NIPA1: variants seen among roughly 807,000 people sequenced by gnomAD.
NIPA1 encodes magnesium transporter NIPA1.
In NIPA1, 13 loss-of-function variants were observed where a neutral mutation model predicts 23.9. The observed-to-expected ratio is 0.54, with a 90% CI of 0.35 to 0.87. NIPA1 has a LOEUF of 0.87. NIPA1 is among the 40% of genes least tolerant of loss of function. The probability of loss-of-function intolerance (pLI) is 0.01; values close to 1 mark genes in which losing one functional copy is unlikely to be tolerated. For synonymous variants in NIPA1, 234 were observed against 202.9 expected (o/e 1.15, Z -1.30); for missense variants, 362 against 429.7 (o/e 0.84, Z 1.39).
chr15:22,814,103 C>G (rs1429052637), intron 3 of NIPA1: 1 of 1,279,638 alleles, frequency 7.8e-7, no homozygotes, highest in Admixed American at 2.3e-5. Context: ...CTGTAGGAAC[C>G]ATGTCAGATG....
At chr15:22,787,349 G>T (rs1433898950) in intron 1 of NIPA1, among the ~76,000 whole-genome samples, 1 of 152,204 alleles carries the variant, frequency 6.6e-6, no homozygotes, top group East Asian at 1.9e-4. Flanking sequence ...CCAGTCCCCC[G>T]CAGGGGCCTC....
In NIPA1 at chr15:22,786,848, C is replaced by T. The variant is rs1467648365; in HGVS notation, c.178+14C>T. ...CCAAGCGGCGAGGTAGGGCGGGCGGCAGGCGGCAGGCGGCGGGCGGGTGGG... is the reference window on the plus strand; with the variant it reads ...CCAAGCGGCGAGGTAGGGCGGGCGGTAGGCGGCAGGCGGCGGGCGGGTGGG... On this transcript the variant is annotated intron_variant, in intron 1 of 4. Coordinates refer to ENST00000337435, the MANE Select transcript of NIPA1 (RefSeq NM_144599.5). 1 of 909,686 alleles carries T rather than the reference C, an allele frequency of 1.1e-6. No homozygotes were observed. The highest frequency in any genetic ancestry group is 4.1e-4 in the Middle Eastern group (1 of 2,438). The allele number at this position is 909,686 out of a possible 1,614,324, so 56.4% of individuals were successfully genotyped here.
At chr15:22,794,904 G>A (rs956002201) in intron 1 of NIPA1, among the ~76,000 whole-genome samples, 16 of 152,084 alleles carry the variant, frequency 1.1e-4, no homozygotes, top group African/African-American at 3.9e-4. Context: ...CCCTGACCCT[G>A]AGGGATGATG....
intron 3 of NIPA1, among the ~76,000 whole-genome samples, chr15:22,816,486 C>CTT (rs71117480): frequency 0.19 from 7,591 of 40,908 alleles, 1,753 homozygotes; most frequent in East Asian, 0.47. Context: ...CGCACCCAGC[C>CTT]TTTTTTTTTT....
intron 3 of NIPA1, chr15:22,813,969 A>G (rs1180406318): frequency 1.3e-5 from 6 of 469,286 alleles, no homozygotes. Context: ...CACGTGGCAC[A>G]TTGAATGCAC....
rs962001494 is a variant in NIPA1 at position 22,827,101 on chromosome 15, A to G, written c.*2862A>G. On this transcript the variant is annotated 3_prime_UTR_variant, in exon 5 of 5. Transcript: ENST00000337435. ...CTTGAAATATTTTCATTATCATACT[A>G]TTCTTTGAAAAAAAAGATGCTTACT... 2 of 152,036 alleles carry G rather than the reference A, an allele frequency of 1.3e-5. No homozygotes were observed. Among genetic ancestry groups the G allele is most frequent in the Non-Finnish European group, 2.9e-5 (2 of 67,980 alleles). 9.4% of individuals were successfully genotyped at this position (152,036 alleles called of 1,614,324 possible). A position where few individuals can be genotyped will look rare whatever the true frequency, so the allele number is the denominator to read the frequency against.
intron 4 of NIPA1, among the ~76,000 whole-genome samples, chr15:22,823,507 C>T (rs577739160): frequency 1.3e-5 from 2 of 152,322 alleles, no homozygotes; most frequent in Admixed American, 6.5e-5. Context: ...GCTAACCCGG[C>T]TGTAAATGTT....
Position 22,788,919 on chromosome 15 carries a change from TAAAAAAA to T in NIPA1, c.178+2097_178+2103del, listed in dbSNP as rs199860403. Among the ~76,000 whole-genome samples the T allele has an allele frequency of 6.3e-5, 5 of 78,794 alleles. 1 individual carries two copies. The highest frequency in any genetic ancestry group is 2.6e-4 in the African/African-American group (5 of 19,550). 51.7% of individuals were successfully genotyped at this position (78,794 alleles called of 152,430 possible). A position where few individuals can be genotyped will look rare whatever the true frequency, so the allele number is the denominator to read the frequency against. Reference sequence around the variant, plus strand: ...GAGCGAGAAGAACAAGGCTCTGTCTTAAAAAAAAAAAAAAAAAAGATAAATGCTGTTT... The same window carrying T: ...GAGCGAGAAGAACAAGGCTCTGTCTTAAAAAAAAAAAGATAAATGCTGTTT... On this transcript the variant is annotated intron_variant, in intron 1 of 4. Coordinates refer to ENST00000337435, the MANE Select transcript of NIPA1 (RefSeq NM_144599.5).
At chr15:22,793,054 CTG>C (rs970429834) in intron 1 of NIPA1, among the ~76,000 whole-genome samples, 17 of 151,654 alleles carry the variant, frequency 1.1e-4, no homozygotes, top group African/African-American at 3.9e-4. Flanking sequence ...GAGTGAGACT[CTG>C]TCTCAAAAAT....
intron 1 of NIPA1, among the ~76,000 whole-genome samples, chr15:22,788,297 C>A (rs1367013700): frequency 2.0e-5 from 3 of 148,144 alleles, no homozygotes; most frequent in African/African-American, 7.9e-5. Context: ...GTCAGGAGAT[C>A]TAGACCATCC....
At position 22,789,117 on chromosome 15, in the gene NIPA1, C is replaced by T. The variant is rs145782083; in HGVS notation, c.178+2283C>T. Among the ~76,000 whole-genome samples, 93 of 151,560 alleles carry T rather than the reference C, an allele frequency of 6.1e-4. 1 individual carries two copies. Among genetic ancestry groups the T allele is most frequent in the African/African-American group, 2.0e-3 (81 of 41,350 alleles). ...AAGCGATTCGCCTGCCACAGCCTCC[C>T]GAGCTGGGATTACAGGCGCGTGCCA... is the stretch of plus-strand genomic sequence containing the variant. On this transcript the variant is annotated intron_variant, in intron 1 of 4. Coordinates refer to ENST00000337435, the MANE Select transcript of NIPA1 (RefSeq NM_144599.5).
intron 3 of NIPA1, among the ~76,000 whole-genome samples, chr15:22,816,509 T>TTTTTTTC (rs1895423056): frequency 7.5e-6 from 1 of 132,948 alleles, no homozygotes; most frequent in Non-Finnish European, 1.6e-5. Flanking sequence ...TTTTTTTTTT[T>TTTTTTTC]CAGATGGAGT....
At chr15:22,791,017 G>C (rs1403756712) in intron 1 of NIPA1, among the ~76,000 whole-genome samples, 2 of 152,112 alleles carry the variant, frequency 1.3e-5, no homozygotes, top group Non-Finnish European at 2.9e-5. Context: ...TACAAATGCA[G>C]TTATGTTATA....
intron 3 of NIPA1, among the ~76,000 whole-genome samples, chr15:22,816,279 C>T (rs867676029): frequency 2.6e-4 from 38 of 147,434 alleles, no homozygotes; most frequent in African/African-American, 8.3e-4. Context: ...ACCTCCACCT[C>T]CCGGGTTCAA....
Position 22,808,679 on chromosome 15 carries a change from C to CTTAATATTCTTTTTTTTTTTTTT in NIPA1, c.179-2068_179-2067insAATATTCTTTTTTTTTTTTTTTT, listed in dbSNP as rs1295103631. Among the ~76,000 whole-genome samples the CTTAATATTCTTTTTTTTTTTTTT allele has an allele frequency of 5.7e-3, 725 of 128,278 alleles. 16 individuals are homozygous for CTTAATATTCTTTTTTTTTTTTTT. The highest frequency in any genetic ancestry group is 0.048 in the East Asian group (191 of 3,964). The allele number at this position is 128,278 out of a possible 152,430, so 84.2% of individuals were successfully genotyped here. ...TGTGATGTGATCAAATAGCAATATT[C>CTTAATATTCTTTTTTTTTTTTTT]TTTTTTTTGAGACAGTGTCTCACTC... On this transcript the variant is annotated intron_variant, in intron 1 of 4. Coordinates refer to ENST00000337435, the MANE Select transcript of NIPA1 (RefSeq NM_144599.5).
chr15:22,794,996 C>T (rs1047371684), intron 1 of NIPA1, among the ~76,000 whole-genome samples: 1 of 152,128 alleles, frequency 6.6e-6, no homozygotes, highest in Admixed American at 6.5e-5. Flanking sequence ...GGGCTGGACA[C>T]GGAGCAGAGG....
rs528682325 is a variant in NIPA1 at position 22,813,752 on chromosome 15, G to A, written c.317+1499G>A. On this transcript the variant is annotated intron_variant, in intron 3 of 4. Transcript: ENST00000337435. ...AAATACCATGTTTTTCACATGCGACGCCTTGAGAATGTGTGTGTGGCACAT... is the reference window on the plus strand; with the variant it reads ...AAATACCATGTTTTTCACATGCGACACCTTGAGAATGTGTGTGTGGCACAT... 1.1e-4 allele frequency: 49 copies of A among 450,198 alleles called. No individual in the cohort carries two copies. In the East Asian group the frequency reaches 1.3e-3, roughly 12 times the overall value. The allele number at this position is 450,198 out of a possible 1,614,324, so 27.9% of individuals were successfully genotyped here.
intron 1 of NIPA1, among the ~76,000 whole-genome samples, chr15:22,801,682 A>G (rs1044470260): frequency 6.6e-6 from 1 of 151,564 alleles, no homozygotes; most frequent in African/African-American, 2.4e-5. Context: ...GCGCCCAGCT[A>G]ATTTTTGTAT....
At position 22,824,661 on chromosome 15, in the gene NIPA1, A is replaced by G. The variant is rs905300155; in HGVS notation, c.*422A>G. 3 of 218,554 alleles carry G rather than the reference A, an allele frequency of 1.4e-5. No individual in the cohort carries two copies. Among genetic ancestry groups the G allele is most frequent in the African/African-American group, 7.0e-5 (3 of 42,932 alleles). 13.5% of individuals were successfully genotyped at this position (218,554 alleles called of 1,614,324 possible). A position where few individuals can be genotyped will look rare whatever the true frequency, so the allele number is the denominator to read the frequency against. Reference sequence around the variant, plus strand: ...GTTGTCTTGAACTCTGGCACTGTACAGTGAATGTGTCTGTAGTTGTGTTAG... The same window carrying G: ...GTTGTCTTGAACTCTGGCACTGTACGGTGAATGTGTCTGTAGTTGTGTTAG... On this transcript the variant is annotated 3_prime_UTR_variant, in exon 5 of 5. Coordinates refer to ENST00000337435, the MANE Select transcript of NIPA1 (RefSeq NM_144599.5). The surrounding 1 kb of genome is among the most constrained non-coding windows in gnomAD (Gnocchi z 4.1).
Sources: allele counts gnomAD v4.1 joint callset (sites outside exome capture counted in the v4.1 genomes callset), GRCh38; gene constraint gnomAD v4.1.1; non-coding constraint Gnocchi (gnomAD v3.1); transcripts MANE v1.5; gene names NCBI Gene and HGNC (gene_info 2026-07-23, HGNC 2026-07-21).